KLF10: variants seen among roughly 807,000 people sequenced by gnomAD.
KLF10 encodes KLF transcription factor 10.
KLF10 carries 17 observed loss-of-function variants against 31.6 expected under a neutral mutation model. The ratio of observed to expected loss-of-function variants is 0.54; its 90% CI spans 0.37 to 0.81. The LOEUF (loss-of-function observed/expected upper bound fraction) is 0.81. Among genes scored for constraint, KLF10 ranks in the 30% least tolerant of loss-of-function variants. The probability of loss-of-function intolerance (pLI) is 0.00; values close to 1 mark genes in which losing one functional copy is unlikely to be tolerated. For missense variants in KLF10, 525 were observed against 598.1 expected, an observed-to-expected ratio of 0.88 and a Z score of 1.27; for synonymous variants, 239 against 215.1, an observed-to-expected ratio of 1.11 and a Z score of -0.97.
intron 3 of KLF10, 127 bp from the exon 4 acceptor site, chr8:102,650,518 T>C: frequency 1.0e-6 from 1 of 963,388 alleles, no homozygotes; most frequent in Non-Finnish European, 1.5e-6. Context: ...AACTGTCAAA[T>C]GAATATGAGA....
intron 1 of KLF10, among the ~76,000 whole-genome samples, chr8:102,655,060 G>T (rs578107276): frequency 6.7e-4 from 102 of 151,882 alleles, no homozygotes; most frequent in East Asian, 3.9e-3. Context: ...TAGCCCACTC[G>T]CCTCTCCTGT....
rs760941775 is a variant in KLF10 at position 102,653,508 on chromosome 8, C to T, written c.37-1111G>A. 2.0e-6 allele frequency: 3 copies of T among 1,534,784 alleles called. 1 individual carries two copies. In the Admixed American group the frequency reaches 6.7e-5, roughly 34 times the overall value. ...TTCCATTAAAAGAAAACTGTCCAGA[C>T]TCGTTTGGTCAAAGTAGAGATTGTG... On this transcript the variant is annotated intron_variant, in intron 1 of 3. Coordinates refer to ENST00000285407, the MANE Select transcript of KLF10 (RefSeq NM_005655.4).
intron 3 of KLF10, 69 bp from the exon 4 acceptor site, chr8:102,650,460 A>G (rs1246744736): frequency 2.1e-6 from 3 of 1,450,114 alleles, no homozygotes; most frequent in Non-Finnish European, 1.9e-6. Context: ...AATTCTGTCT[A>G]AAAGTATATG....
At chr8:102,654,779 C>A (rs1827320504) in intron 1 of KLF10, among the ~76,000 whole-genome samples, 1 of 152,036 alleles carries the variant, frequency 6.6e-6, no homozygotes, top group Non-Finnish European at 1.5e-5. Context: ...CCCCGCCCAC[C>A]TTCCCGCCCC....
At position 102,649,887 on chromosome 8, in the gene KLF10, T is replaced by C. The variant is rs930503239; in HGVS notation, c.*245A>G. ...CCTCATCTGAAACCTTCAAAAAATATTCAAAGGAATAAAAGCTTTCTCATC... is the reference window on the plus strand; with the variant it reads ...CCTCATCTGAAACCTTCAAAAAATACTCAAAGGAATAAAAGCTTTCTCATC... On this transcript the variant is annotated 3_prime_UTR_variant, in exon 4 of 4. Coordinates refer to ENST00000285407, the MANE Select transcript of KLF10 (RefSeq NM_005655.4). 2 of 541,756 alleles carry C rather than the reference T, an allele frequency of 3.7e-6. No homozygotes were observed. The highest frequency in any genetic ancestry group is 3.5e-5 in the Admixed American group (1 of 28,380). 33.6% of individuals were successfully genotyped at this position (541,756 alleles called of 1,614,324 possible).
At chr8:102,653,388 G>T in intron 1 of KLF10, 2 of 1,174,170 alleles carry the variant, frequency 1.7e-6, no homozygotes, top group Non-Finnish European at 2.4e-6. Flanking sequence ...AACAGCACAG[G>T]TTTTGCACTT....
rs1827142650 is a variant in KLF10, at chr8:102,649,036, A to G, written c.*1096T>C. Reference sequence around the variant, plus strand: ...TGTATATCATCCACTATATAACAGAATAAAAGAGAAATACTGTTAACAAAA... The same window carrying G: ...TGTATATCATCCACTATATAACAGAGTAAAAGAGAAATACTGTTAACAAAA... On this transcript the variant is annotated 3_prime_UTR_variant, in exon 4 of 4. Coordinates refer to ENST00000285407, the MANE Select transcript of KLF10 (RefSeq NM_005655.4). The G allele has an allele frequency of 1.3e-5, 2 of 152,650 alleles. No homozygotes were observed. Among genetic ancestry groups the G allele is most frequent in the South Asian group, 4.1e-4 (2 of 4,830 alleles). 9.5% of individuals were successfully genotyped at this position (152,650 alleles called of 1,614,324 possible).
intron 1 of KLF10, chr8:102,654,194 C>T (rs1191127202): frequency 6.6e-6 from 1 of 151,906 alleles, no homozygotes; most frequent in Non-Finnish European, 1.4e-5. Flanking sequence ...TCACCTTTCC[C>T]CTACTTCCTG....
chr8:102,653,469 C>G (rs1268587832), intron 1 of KLF10: 1 of 1,549,348 alleles, frequency 6.5e-7, no homozygotes, highest in Admixed American at 2.0e-5. Flanking sequence ...GTACTACTCA[C>G]CATTTCTCCT....
chr8:102,654,136 G>T (rs1365559669), intron 1 of KLF10: 1 of 177,402 alleles, frequency 5.6e-6, no homozygotes, highest in Non-Finnish European at 1.1e-5. Context: ...CGTGATCAGC[G>T]GCTGCTCCGG....
In KLF10 at chr8:102,649,292, T is replaced by C. The variant is rs900881424; in HGVS notation, c.*840A>G. On this transcript the variant is annotated 3_prime_UTR_variant, in exon 4 of 4. Transcript: ENST00000285407. ...CTTAATATCCCTTCTTTACAATATATATTTCATCTTCAGTTTTTTTTCTAA... is the reference window on the plus strand; with the variant it reads ...CTTAATATCCCTTCTTTACAATATACATTTCATCTTCAGTTTTTTTTCTAA... 6.6e-6 allele frequency: 1 copy of C among 152,274 alleles called. No individual in the cohort carries two copies. The highest frequency in any genetic ancestry group is 1.5e-5 in the Non-Finnish European group (1 of 68,028). The allele number at this position is 152,274 out of a possible 1,614,324, so 9.4% of individuals were successfully genotyped here. A position where few individuals can be genotyped will look rare whatever the true frequency, so the allele number is the denominator to read the frequency against.
chr8:102,650,080 A>C lies in KLF10; in HGVS notation c.*52T>G, dbSNP rs1362646641. On this transcript the variant is annotated 3_prime_UTR_variant, in exon 4 of 4. Coordinates refer to ENST00000285407, the MANE Select transcript of KLF10 (RefSeq NM_005655.4). Reference sequence around the variant, plus strand: ...GCAGTGGAAGCATTTTTACATCACCACTGGCTCCCGCTGAGACCAAAGTTA... The same window carrying C: ...GCAGTGGAAGCATTTTTACATCACCCCTGGCTCCCGCTGAGACCAAAGTTA... 13 of 1,589,066 alleles carry C rather than the reference A, an allele frequency of 8.2e-6. No individual in the cohort carries two copies. Among genetic ancestry groups the C allele is most frequent in the Non-Finnish European group, 1.0e-5 (12 of 1,165,536 alleles).
rs1563959981 is a variant in KLF10 at position 102,651,440 on chromosome 8, G to T, written c.892C>A (p.Pro298Thr). ...ACAACAGGGGGGCAAACGGCTGGTGGCTGGCTGGGAGGAGTGCTGGGAACG... is the reference window on the plus strand; with the variant it reads ...ACAACAGGGGGGCAAACGGCTGGTGTCTGGCTGGGAGGAGTGCTGGGAACG... ...TVVPSTPPSQ[P>T]PAVCPPVVFM... Residue 298 changes from proline (P) to threonine (T), a missense_variant, in exon 3 of 4, where the codon CCA becomes ACA. Coordinates refer to ENST00000285407, the MANE Select transcript of KLF10 (RefSeq NM_005655.4). 6.2e-7 allele frequency: 1 copy of T among 1,613,938 alleles called. No individual in the cohort carries two copies. Among genetic ancestry groups the T allele is most frequent in the Non-Finnish European group, 8.5e-7 (1 of 1,179,894 alleles).
At chr8:102,653,417 T>C in intron 1 of KLF10, 3 of 1,447,894 alleles carry the variant, frequency 2.1e-6, no homozygotes, top group African/African-American at 2.9e-5. Context: ...AACTACCTAA[T>C]GTTTTATAGT....
chr8:102,653,417 T>A, intron 1 of KLF10: 1 of 1,447,894 alleles, frequency 6.9e-7, no homozygotes, highest in Non-Finnish European at 9.3e-7. Flanking sequence ...AACTACCTAA[T>A]GTTTTATAGT....
chr8:102,652,459 A>G lies in KLF10; in HGVS notation c.37-62T>C, dbSNP rs1827240037. The G allele has an allele frequency of 5.3e-6, 5 of 947,190 alleles. No homozygotes were observed. In the South Asian group the frequency reaches 6.1e-5, roughly 12 times the overall value. The allele number at this position is 947,190 out of a possible 1,614,324, so 58.7% of individuals were successfully genotyped here. A position where few individuals can be genotyped will look rare whatever the true frequency, so the allele number is the denominator to read the frequency against. On this transcript the variant is annotated intron_variant, in intron 1 of 3. Transcript: ENST00000285407. ...TTTTGTCATCCAAATGACACACAGA[A>G]AAATGAGCAAATTTTTTTTTTTTTT...
rs1193312226 is a variant in KLF10 at position 102,652,271 on chromosome 8, C to A, written c.163G>T (p.Asp55Tyr). The change falls in exon 2 of 4, where the codon GAT becomes TAT. Residue 55 changes from aspartate (D) to tyrosine (Y), a missense_variant. This residue lies in a region of KLF10 where 434 missense variants were observed against 450.7 expected (regional missense o/e 0.96). Coordinates refer to ENST00000285407, the MANE Select transcript of KLF10 (RefSeq NM_005655.4). ...CTGTTTTCAACGTATTTCTTAAAAT[C>A]AGACTTCCAACTGCAGCTCATTGAC... ...LMSMSCSWKS[D>Y]FKKYVENRPV... The A allele has an allele frequency of 6.2e-7, 1 of 1,613,578 alleles. No homozygotes were observed. The highest frequency in any genetic ancestry group is 8.5e-7 in the Non-Finnish European group (1 of 1,179,662).
chr8:102,655,693 G>T lies in KLF10; in HGVS notation c.-92C>A, dbSNP rs1827352345. 2 of 1,430,160 alleles carry T rather than the reference G, an allele frequency of 1.4e-6. No individual in the cohort carries two copies. The highest frequency in any genetic ancestry group is 1.9e-5 in the Admixed American group (1 of 51,784). 88.6% of individuals were successfully genotyped at this position (1,430,160 alleles called of 1,614,324 possible). On this transcript the variant is annotated 5_prime_UTR_variant, in exon 1 of 4. Coordinates refer to ENST00000285407, the MANE Select transcript of KLF10 (RefSeq NM_005655.4). ...CGGGCGCACGGAGACACTCGACGCC[G>T]CTCCCGCCGCCGCCGCGCTCAGCGC...
At chr8:102,652,620 T>C (rs1306107007) in intron 1 of KLF10, among the ~76,000 whole-genome samples, 4 of 152,068 alleles carry the variant, frequency 2.6e-5, no homozygotes, top group African/African-American at 7.2e-5. Context: ...AATAAAATCT[T>C]CCTCATTTTT....
Sources: gnomAD v4.1 joint callset for allele counts (sites outside exome capture counted in the v4.1 genomes callset) on GRCh38, gnomAD v4.1.1 for gene constraint, gnomAD v4.1.1 regional missense constraint, MANE v1.5 for transcripts, NCBI Gene and HGNC (gene_info 2026-07-23, HGNC 2026-07-21) for gene names.